The following EP400 variants were observed in gnomAD, a reference collection of about 807,000 sequenced individuals.
EP400 encodes E1A binding protein p400.
EP400 carries 105 observed loss-of-function variants against 354.1 expected under a neutral mutation model. The observed-to-expected ratio is 0.30, with a 90% CI of 0.25 to 0.35. The LOEUF (loss-of-function observed/expected upper bound fraction) is 0.35, where lower values mean the gene tolerates loss of function less well. Ranked by LOEUF, EP400 falls within the 10% of genes least tolerant of loss-of-function variation. The probability of loss-of-function intolerance (pLI) is 1.00; values close to 1 mark genes in which losing one functional copy is unlikely to be tolerated. For missense variants in EP400, 3,280 were observed against 4,121.0 expected (o/e 0.80, Z 5.59); for synonymous variants, 1,646 against 1,716.9 (o/e 0.96, Z 1.02).
chr12:132,027,902 G>A lies in EP400; in HGVS notation c.5110-115G>A. On this transcript the variant is annotated intron_variant, in intron 26 of 52. Transcript: ENST00000389561. This position sits in a 1 kb window ranked among gnomAD's most constrained non-coding sequence, Gnocchi z 4.9. ...CTATTTCCTGTAACACAAGACCGGG[G>A]ATATTGAAGTGGATCTCATATGTGG... 1 of 1,077,978 alleles carries A rather than the reference G, an allele frequency of 9.3e-7. No homozygotes were observed. The highest frequency in any genetic ancestry group is 2.5e-5 in the East Asian group (1 of 40,284). 66.8% of individuals were successfully genotyped at this position (1,077,978 alleles called of 1,614,324 possible). A position where few individuals can be genotyped will look rare whatever the true frequency, so the allele number is the denominator to read the frequency against.
chr12:131,960,843 C>T lies in EP400; in HGVS notation c.224C>T (p.Thr75Ile), dbSNP rs1294818733. The change falls in exon 2 of 53, where the codon ACC becomes ATC. Residue 75 changes from threonine (T) to isoleucine (I), a missense_variant. Around this residue, in one of 20 missense-constraint regions of EP400, gnomAD observed 172 missense variants for 242.9 expected, o/e 0.71. Coordinates refer to ENST00000389561, the MANE Select transcript of EP400 (RefSeq NM_015409.5). Reference protein sequence around the residue: ...SPATGQNVNITLQSVGPVVGG... With the variant: ...SPATGQNVNIILQSVGPVVGG... ...GCAACCGGGCAGAACGTGAACATCA[C>T]CCTGCAGAGCGTGGGCCCTGTCGTC... 1 of 1,613,932 alleles carries T rather than the reference C, an allele frequency of 6.2e-7. No individual in the cohort carries two copies. The highest frequency in any genetic ancestry group is 1.7e-5 in the Admixed American group (1 of 60,012).
chr12:132,035,776 TCA>T (rs1894678070), intron 30 of EP400, among the ~76,000 whole-genome samples: 1 of 142,638 alleles, frequency 7.0e-6, no homozygotes. Flanking sequence ...ACAGCCAGGT[TCA>T]CACGGAACGT....
rs1293857336 is a variant in EP400 at position 132,070,796 on chromosome 12, T to A, written c.9021+1155T>A. On this transcript the variant is annotated intron_variant, in intron 51 of 52. Coordinates refer to ENST00000389561, the MANE Select transcript of EP400 (RefSeq NM_015409.5). This position sits in a 1 kb window ranked among gnomAD's most constrained non-coding sequence, Gnocchi z 4.1. ...GTTATAGATTATGTTAGTTTTATTCTTAAGCAATCAGTATTTTTTGATGCT... is the reference window on the plus strand; with the variant it reads ...GTTATAGATTATGTTAGTTTTATTCATAAGCAATCAGTATTTTTTGATGCT... 6.6e-6 allele frequency among the ~76,000 whole-genome samples: 1 copy of A among 152,270 alleles called. No individual in the cohort carries two copies. The highest frequency in any genetic ancestry group is 6.5e-5 in the Admixed American group (1 of 15,286).
Position 132,017,908 on chromosome 12 carries a change from G to A in EP400, c.4110+187G>A, listed in dbSNP as rs973514381. Among the ~76,000 whole-genome samples, 5 of 152,208 alleles carry A rather than the reference G, an allele frequency of 3.3e-5. No homozygotes were observed. Among genetic ancestry groups the A allele is most frequent in the Non-Finnish European group, 7.3e-5 (5 of 68,032 alleles). ...CCCCTTGCCGGAGTGTTCCACCTCC[G>A]GAAATTTACCCGAGGGAGACAGGCT... On this transcript the variant is annotated intron_variant, in intron 20 of 52. Transcript: ENST00000389561. The surrounding 1 kb of genome is among the most constrained non-coding windows in gnomAD (Gnocchi z 5.0).
rs572643622 is a variant in EP400 at position 132,048,008 on chromosome 12, C to T, written c.7200+2108C>T. Among the ~76,000 whole-genome samples, 33 of 152,336 alleles carry T rather than the reference C, an allele frequency of 2.2e-4. No homozygotes were observed. The South Asian group carries it at 2.3e-3, about 11-fold the overall frequency. On this transcript the variant is annotated intron_variant, in intron 39 of 52. Transcript: ENST00000389561. ...AAAGAAGAGAAATACGGCTCTGTTC[C>T]GCCTGGCTCACCGGCAGTCAGAGTT...
intron 51 of EP400, among the ~76,000 whole-genome samples, chr12:132,071,711 G>A (rs1896073082): frequency 6.6e-6 from 1 of 152,152 alleles, no homozygotes. Context: ...CTTCTGCAGA[G>A]CCCTGCTGCC....
chr12:131,963,588 C>T, intron 2 of EP400: 1 of 1,598,322 alleles, frequency 6.3e-7, no homozygotes, highest in Non-Finnish European at 8.5e-7. Context: ...CTATAGCAAC[C>T]CAGCTTCCGC....
In EP400 at chr12:132,076,610, A is replaced by G; in HGVS notation, c.9099+17A>G. On this transcript the variant is annotated intron_variant, in intron 52 of 52. Coordinates refer to ENST00000389561, the MANE Select transcript of EP400 (RefSeq NM_015409.5). ...TCCCAGCAGGTAGGACGCATAGACA[A>G]AGTGGAAACCTCACATTTCCCAGGT... 1 of 1,598,340 alleles carries G rather than the reference A, an allele frequency of 6.3e-7. No individual in the cohort carries two copies. Among genetic ancestry groups the G allele is most frequent in the Non-Finnish European group, 8.6e-7 (1 of 1,169,332 alleles).
rs201961439 is a variant in EP400 at position 132,018,300 on chromosome 12, C to T, written c.4201C>T (p.Arg1401Trp). ...AELLSKKKIP[R>W]KLMEEISTSA... is the part of the protein sequence containing the mutation. ...GTTGCTGTCTAAGAAAAAGATACCG[C>T]GGAAACTCATGGAGGAAATCTCCAC... is the stretch of plus-strand genomic sequence containing the variant. Residue 1401 changes from arginine (R) to tryptophan (W), a missense_variant, in exon 21 of 53, where the codon CGG becomes TGG. Physicochemically the swap from Arg to Trp is moderately radical, Grantham distance 101. This residue lies in a region of EP400 where 342 missense variants were observed against 342.7 expected (regional missense o/e 1.00). Coordinates refer to ENST00000389561, the MANE Select transcript of EP400 (RefSeq NM_015409.5). This position sits in a 1 kb window ranked among gnomAD's most constrained non-coding sequence, Gnocchi z 4.0. 130 of 1,613,446 alleles carry T rather than the reference C, an allele frequency of 8.1e-5. No homozygotes were observed. The highest frequency in any genetic ancestry group is 1.0e-4 in the Non-Finnish European group (119 of 1,179,924).
intron 39 of EP400, among the ~76,000 whole-genome samples, chr12:132,048,790 T>C (rs1186106794): frequency 6.6e-6 from 1 of 152,168 alleles, no homozygotes; most frequent in Non-Finnish European, 1.5e-5. Flanking sequence ...CCTCAGATAA[T>C]CTACCCACCT....
At chr12:132,049,182 C>A (rs775620088) in intron 39 of EP400, among the ~76,000 whole-genome samples, 2 of 152,202 alleles carry the variant, frequency 1.3e-5, no homozygotes, top group Non-Finnish European at 2.9e-5. Flanking sequence ...CCATGCGGGG[C>A]GGGGCATTCA....
chr12:131,971,332 T>C (rs995793208), intron 2 of EP400, among the ~76,000 whole-genome samples: 1 of 152,250 alleles, frequency 6.6e-6, no homozygotes, highest in African/African-American at 2.4e-5. Flanking sequence ...CCTTGCTTTT[T>C]GTTACCAAAT....
At chr12:131,955,538 TC>T (rs1281981149) in intron 1 of EP400, among the ~76,000 whole-genome samples, 1 of 152,208 alleles carries the variant, frequency 6.6e-6, no homozygotes, top group African/African-American at 2.4e-5. Context: ...CGCCTCAGCC[TC>T]CCAAAGTGTT....
intron 1 of EP400, among the ~76,000 whole-genome samples, chr12:131,955,028 A>G (rs556524219): frequency 6.6e-6 from 1 of 152,326 alleles, no homozygotes; most frequent in African/African-American, 2.4e-5. Flanking sequence ...ATGTCAAAAA[A>G]AGAGAAAAAA....
At position 132,018,537 on chromosome 12, in the gene EP400, A is replaced by G. The variant is rs1036819526; in HGVS notation, c.4277+161A>G. ...TTGGCTGTGGTATGCCTGGCTCTGC[A>G]GATGCCTTTTAGGCTGTGTGGTGCA... is the stretch of plus-strand genomic sequence containing the variant. On this transcript the variant is annotated intron_variant, in intron 21 of 52. Coordinates refer to ENST00000389561, the MANE Select transcript of EP400 (RefSeq NM_015409.5). This position sits in a 1 kb window ranked among gnomAD's most constrained non-coding sequence, Gnocchi z 4.0. Among the ~76,000 whole-genome samples the G allele has an allele frequency of 6.6e-6, 1 of 152,208 alleles. No homozygotes were observed. Among genetic ancestry groups the G allele is most frequent in the African/African-American group, 2.4e-5 (1 of 41,448 alleles).
At position 132,048,898 on chromosome 12, in the gene EP400, A is replaced by G. The variant is rs1895203000; in HGVS notation, c.7201-1425A>G. Among the ~76,000 whole-genome samples, 4 of 152,198 alleles carry G rather than the reference A, an allele frequency of 2.6e-5. No individual in the cohort carries two copies. In the South Asian group the frequency reaches 8.3e-4, roughly 32 times the overall value. ...GGAGCACTTTGTTAAGAGCCTGTGC[A>G]CAGAAACATAGAGTAAGATTCAGTC... On this transcript the variant is annotated intron_variant, in intron 39 of 52. Coordinates refer to ENST00000389561, the MANE Select transcript of EP400 (RefSeq NM_015409.5).
rs1895351439 is a variant in EP400, at chr12:132,052,917, C to G, written c.7395-229C>G. ...GGGGACGTGTTCGGAGATACTTTTC[C>G]TGGAGAGTGGGAGAGCTCGGCCTCA... is the stretch of plus-strand genomic sequence containing the variant. On this transcript the variant is annotated intron_variant, in intron 41 of 52. Coordinates refer to ENST00000389561, the MANE Select transcript of EP400 (RefSeq NM_015409.5). This position sits in a 1 kb window ranked among gnomAD's most constrained non-coding sequence, Gnocchi z 4.4. Among the ~76,000 whole-genome samples the G allele has an allele frequency of 6.6e-6, 1 of 152,078 alleles. No individual in the cohort carries two copies. Among genetic ancestry groups the G allele is most frequent in the South Asian group, 2.1e-4 (1 of 4,822 alleles).
chr12:132,065,293 G>C (rs961429732), intron 48 of EP400: 1 of 218,102 alleles, frequency 4.6e-6, no homozygotes, highest in African/African-American at 2.2e-5. Flanking sequence ...GGTGACCGCT[G>C]TAGGCAGGGA....
chr12:131,951,900 C>T (rs1187675291), intron 1 of EP400, among the ~76,000 whole-genome samples: 1 of 152,076 alleles, frequency 6.6e-6, no homozygotes, highest in African/African-American at 2.4e-5. Context: ...CCTCAGCTTC[C>T]CAAGTAGCTG....
Sources: allele counts gnomAD v4.1 joint callset (sites outside exome capture counted in the v4.1 genomes callset), GRCh38; gene constraint gnomAD v4.1.1; regional missense constraint gnomAD v4.1.1; non-coding constraint Gnocchi (gnomAD v3.1); transcripts MANE v1.5; gene names NCBI Gene and HGNC (gene_info 2026-07-23, HGNC 2026-07-21).